The following TMEM132D variants were observed in gnomAD, a reference collection of about 807,000 sequenced individuals.
The protein encoded by TMEM132D is transmembrane protein 132D.
A neutral mutation model predicts 62.3 loss-of-function variants in TMEM132D; 21 were observed. The ratio of observed to expected loss-of-function variants is 0.34; its 90% CI spans 0.24 to 0.49. The LOEUF is 0.49. Ranked by LOEUF, TMEM132D falls within the 20% of genes least tolerant of loss-of-function variation. TMEM132D has a pLI of 0.99. For synonymous variants in TMEM132D, 621 were observed against 575.6 expected, an observed-to-expected ratio of 1.08 and a Z score of -1.13; for missense variants, 1,346 against 1,402.8, an observed-to-expected ratio of 0.96 and a Z score of 0.65.
chr12:129,746,278 G>T (rs1869775520), intron 1 of TMEM132D, among the ~76,000 whole-genome samples: 1 of 152,150 alleles, frequency 6.6e-6, no homozygotes, highest in Admixed American at 6.5e-5. Context: ...CATCTTTACT[G>T]CAATGAAAAG....
chr12:129,577,320 T>C (rs1228254616), intron 2 of TMEM132D, among the ~76,000 whole-genome samples: 1 of 151,628 alleles, frequency 6.6e-6, no homozygotes, highest in Non-Finnish European at 1.5e-5. Flanking sequence ...TATGCTGCAG[T>C]TAACTTTATG....
At chr12:129,084,194 T>C (rs1874539143) in intron 6 of TMEM132D, among the ~76,000 whole-genome samples, 1 of 152,064 alleles carries the variant, frequency 6.6e-6, no homozygotes, top group Admixed American at 6.6e-5. Flanking sequence ...CTACAGTAAC[T>C]AGATAAGGGA....
At chr12:129,076,169 T>C (rs1319748217) in intron 8 of TMEM132D, among the ~76,000 whole-genome samples, 1 of 152,174 alleles carries the variant, frequency 6.6e-6, no homozygotes, top group Non-Finnish European at 1.5e-5. Flanking sequence ...TGGGGGCACA[T>C]ATAAAATTGG....
intron 3 of TMEM132D, among the ~76,000 whole-genome samples, chr12:129,368,707 G>A (rs572442727): frequency 2.6e-5 from 4 of 151,748 alleles, no homozygotes; most frequent in South Asian, 2.1e-4. Flanking sequence ...ACTCAAAATC[G>A]GCTCCCTCTT....
In TMEM132D at chr12:129,277,875, C is replaced by T. The variant is rs77737691; in HGVS notation, c.1299+59759G>A. Among the ~76,000 whole-genome samples the T allele has an allele frequency of 0.057, 8,669 of 152,174 alleles. 425 individuals carry two copies. Among genetic ancestry groups the T allele is most frequent in the Admixed American group, 0.14 (2,191 of 15,276 alleles). ...CTTAAGAACTCCCTGGTTCATCTCA[C>T]GGCGTCTTTTAAAACTCCACTCTCT... On this transcript the variant is annotated intron_variant, in intron 4 of 8. Transcript: ENST00000422113. The surrounding 1 kb of genome is among the most constrained non-coding windows in gnomAD (Gnocchi z 4.2).
chr12:129,620,625 G>A (rs1478348983), intron 2 of TMEM132D, among the ~76,000 whole-genome samples: 2 of 152,146 alleles, frequency 1.3e-5, no homozygotes, highest in Non-Finnish European at 2.9e-5. Flanking sequence ...TATACACCAT[G>A]GAATACTATG....
intron 3 of TMEM132D, among the ~76,000 whole-genome samples, chr12:129,490,190 A>G (rs1178589350): frequency 2.0e-5 from 3 of 152,160 alleles, no homozygotes; most frequent in African/African-American, 7.2e-5. Context: ...TTTTTCTGGT[A>G]CCAAGCTACT....
intron 3 of TMEM132D, among the ~76,000 whole-genome samples, chr12:129,368,807 T>C (rs77932005): frequency 0.07 from 10,567 of 151,574 alleles, 530 homozygotes; most frequent in Non-Finnish European, 0.1. Flanking sequence ...TGAGGTCATG[T>C]GTATATTTCT....
At chr12:129,792,776 A>G (rs1871438797) in intron 1 of TMEM132D, among the ~76,000 whole-genome samples, 1 of 152,230 alleles carries the variant, frequency 6.6e-6, no homozygotes, top group African/African-American at 2.4e-5. Flanking sequence ...CTAAAAATTG[A>G]ACAGACATTA....
intron 5 of TMEM132D, among the ~76,000 whole-genome samples, chr12:129,094,545 A>G (rs1255953889): frequency 6.6e-6 from 1 of 152,192 alleles, no homozygotes; most frequent in Admixed American, 6.5e-5. Context: ...GGTGCTGGAG[A>G]GGATGTGGAG....
At chr12:129,589,972 T>A (rs1232193836) in intron 2 of TMEM132D, among the ~76,000 whole-genome samples, 1 of 152,234 alleles carries the variant, frequency 6.6e-6, no homozygotes, top group Non-Finnish European at 1.5e-5. Flanking sequence ...TCCCTTTTCA[T>A]GTATCTTGTT....
At chr12:129,875,452 C>A (rs1323472378) in intron 1 of TMEM132D, among the ~76,000 whole-genome samples, 1 of 152,198 alleles carries the variant, frequency 6.6e-6, no homozygotes, top group African/African-American at 2.4e-5. Context: ...CTGGTAAGGG[C>A]CCGGCTCTGC....
At chr12:129,342,515 G>C (rs1869529423) in intron 3 of TMEM132D, among the ~76,000 whole-genome samples, 1 of 152,058 alleles carries the variant, frequency 6.6e-6, no homozygotes, top group African/African-American at 2.4e-5. Flanking sequence ...ATAGGCATGG[G>C]CAAGGACTTC....
At chr12:129,771,610 A>G (rs1253282768) in intron 1 of TMEM132D, among the ~76,000 whole-genome samples, 1 of 152,212 alleles carries the variant, frequency 6.6e-6, no homozygotes, top group Non-Finnish European at 1.5e-5. Flanking sequence ...CTTGTTCCTT[A>G]ACACCAAGAA....
At chr12:129,408,125 C>G (rs2135704111) in intron 3 of TMEM132D, among the ~76,000 whole-genome samples, 1 of 152,216 alleles carries the variant, frequency 6.6e-6, no homozygotes, top group African/African-American at 2.4e-5. Context: ...AGGATAGCAC[C>G]TGACATGCAT....
rs138180636 is a variant in TMEM132D, at chr12:129,184,617, G to A, written c.1443+24903C>T. On this transcript the variant is annotated intron_variant, in intron 5 of 8. Coordinates refer to ENST00000422113, the MANE Select transcript of TMEM132D (RefSeq NM_133448.3). ...AGTCTCTCCGTGGCTATTACAACAC[G>A]AAGTTCACTGCACTTCAGGCACAAT... Among the ~76,000 whole-genome samples the A allele has an allele frequency of 2.6e-3, 400 of 152,336 alleles. 1 individual carries two copies. The highest frequency in any genetic ancestry group is 4.7e-3 in the Non-Finnish European group (318 of 68,042).
chr12:129,490,423 CTTTT>C (rs11311745), intron 3 of TMEM132D, among the ~76,000 whole-genome samples: 44 of 58,540 alleles, frequency 7.5e-4, no homozygotes, highest in African/African-American at 3.2e-3. Context: ...ATTTCCTTTC[CTTTT>C]TTTTTTTTTT....
intron 3 of TMEM132D, among the ~76,000 whole-genome samples, chr12:129,462,559 T>C (rs1476318242): frequency 6.6e-6 from 1 of 152,218 alleles, no homozygotes; most frequent in Non-Finnish European, 1.5e-5. Flanking sequence ...CAAAGCTATG[T>C]AGTTAACAAA....
At chr12:129,747,556 TCA>T (rs1046567437) in intron 1 of TMEM132D, among the ~76,000 whole-genome samples, 22 of 138,894 alleles carry the variant, frequency 1.6e-4, no homozygotes, top group African/African-American at 5.0e-4. Flanking sequence ...AGACACCCTC[TCA>T]CACACTTTCA....
Sources: allele counts gnomAD v4.1 joint callset (sites outside exome capture counted in the v4.1 genomes callset), GRCh38; gene constraint gnomAD v4.1.1; non-coding constraint Gnocchi (gnomAD v3.1); transcripts MANE v1.5; gene names NCBI Gene and HGNC (gene_info 2026-07-23, HGNC 2026-07-21).